Variants in CNKSR3 observed in about 807,000 individuals in gnomAD.
CNKSR3 encodes the protein CNKSR family member 3.
In CNKSR3, 36 loss-of-function variants were observed where a neutral mutation model predicts 67.7. The observed-to-expected ratio is 0.53, with a 90% CI of 0.41 to 0.70. The LOEUF (loss-of-function observed/expected upper bound fraction) is 0.70. CNKSR3 is among the 30% of genes least tolerant of loss of function. The pLI, the probability that CNKSR3 is intolerant of heterozygous loss-of-function variation, is 0.00. For synonymous variants in CNKSR3, 281 were observed against 271.4 expected (o/e 1.04, Z -0.35); for missense variants, 630 against 695.2 (o/e 0.91, Z 1.05).
Position 154,450,374 on chromosome 6 carries a change from G to A in CNKSR3, c.53-116C>T, listed in dbSNP as rs1222447883. The A allele has an allele frequency of 5.6e-6, 6 of 1,072,442 alleles. No homozygotes were observed. The East Asian group carries it at 1.5e-4, about 27-fold the overall frequency. The allele number at this position is 1,072,442 out of a possible 1,614,324, so 66.4% of individuals were successfully genotyped here. On this transcript the variant is annotated intron_variant, in intron 1 of 12. Coordinates refer to ENST00000607772, the MANE Select transcript of CNKSR3 (RefSeq NM_173515.4). Reference sequence around the variant, plus strand: ...ATCAACAATTATGATGCCACTATCTGGTTATCTATGTGAGGCCTATTGCAC... The same window carrying A: ...ATCAACAATTATGATGCCACTATCTAGTTATCTATGTGAGGCCTATTGCAC...
At chr6:154,507,146 C>T (rs1239705064) in intron 1 of CNKSR3, among the ~76,000 whole-genome samples, 1 of 152,230 alleles carries the variant, frequency 6.6e-6, no homozygotes, top group Non-Finnish European at 1.5e-5. Context: ...GTGCCTGACA[C>T]ACTGCTTAAT....
chr6:154,428,016 G>A (rs1274752076), intron 7 of CNKSR3, 112 bp downstream of exon 7: 15 of 702,322 alleles, frequency 2.1e-5, no homozygotes, highest in Admixed American at 1.1e-4. Context: ...AGGTACCCAC[G>A]CTCTCACAAT....
At chr6:154,492,318 C>A (rs1181526889) in intron 1 of CNKSR3, among the ~76,000 whole-genome samples, 2 of 151,150 alleles carry the variant, frequency 1.3e-5, no homozygotes, top group Non-Finnish European at 2.9e-5. Flanking sequence ...TCTCCCTACT[C>A]TCACTCACTT....
Position 154,392,430 on chromosome 6 carries a change from A to C in CNKSR3, c.*13924T>G, listed in dbSNP as rs572853364. ...AAAGGCAGATGGCCAAACAGCACACATAACAGGCACCCTAGAGACCCTCTG... is the reference window on the plus strand; with the variant it reads ...AAAGGCAGATGGCCAAACAGCACACCTAACAGGCACCCTAGAGACCCTCTG... On this transcript the variant is annotated 3_prime_UTR_variant, in exon 13 of 13. Transcript: ENST00000607772. The C allele has an allele frequency of 3.6e-4, 55 of 152,398 alleles. No homozygotes were observed. The highest frequency in any genetic ancestry group is 1.3e-3 in the African/African-American group (53 of 41,588). 9.4% of individuals were successfully genotyped at this position (152,398 alleles called of 1,614,324 possible). A position where few individuals can be genotyped will look rare whatever the true frequency, so the allele number is the denominator to read the frequency against.
In CNKSR3 at chr6:154,400,012, G is replaced by A. The variant is rs774164202; in HGVS notation, c.*6342C>T. ...AATGTTTATGCTCCAGGCAAGAGGA[G>A]AGAAAATGATGAGAATATCCTTATC... On this transcript the variant is annotated 3_prime_UTR_variant, in exon 13 of 13. Coordinates refer to ENST00000607772, the MANE Select transcript of CNKSR3 (RefSeq NM_173515.4). 3 of 152,158 alleles carry A rather than the reference G, an allele frequency of 2.0e-5. No homozygotes were observed. Among genetic ancestry groups the A allele is most frequent in the Non-Finnish European group, 4.4e-5 (3 of 68,042 alleles). 9.4% of individuals were successfully genotyped at this position (152,158 alleles called of 1,614,324 possible).
chr6:154,476,512 T>G (rs1013785499), intron 1 of CNKSR3, among the ~76,000 whole-genome samples: 37 of 152,068 alleles, frequency 2.4e-4, no homozygotes, highest in Admixed American at 3.9e-4. Context: ...TGTTCTCATT[T>G]TAGAAAGCAG....
At chr6:154,442,438 C>T (rs1032236438) in intron 2 of CNKSR3, 148 bp from the exon 3 acceptor site, 13 of 625,810 alleles carry the variant, frequency 2.1e-5, no homozygotes, top group African/African-American at 1.3e-4. Context: ...CTGGCTAACA[C>T]GGTGAAACCC....
intron 9 of CNKSR3, among the ~76,000 whole-genome samples, chr6:154,417,651 G>A (rs1785050567): frequency 6.6e-6 from 1 of 152,080 alleles, no homozygotes. Context: ...CTAAAGAGGT[G>A]GTTAAGTTAA....
intron 9 of CNKSR3, among the ~76,000 whole-genome samples, chr6:154,415,097 C>CAAAAAA (rs1157415390): frequency 2.1e-4 from 7 of 33,228 alleles, no homozygotes; most frequent in African/African-American, 3.1e-4. Context: ...GACTCTGTCT[C>CAAAAAA]AAAAAAAAAA....
chr6:154,416,766 C>T (rs1785032710), intron 9 of CNKSR3, among the ~76,000 whole-genome samples: 1 of 152,164 alleles, frequency 6.6e-6, no homozygotes, highest in Non-Finnish European at 1.5e-5. Flanking sequence ...TATTTGTCTA[C>T]CAGAGTTTAT....
intron 7 of CNKSR3, among the ~76,000 whole-genome samples, chr6:154,425,841 GCTT>G (rs34609377): frequency 0.35 from 53,719 of 151,822 alleles, 10,137 homozygotes; most frequent in Non-Finnish European, 0.43. Context: ...ACCATACTAG[GCTT>G]CTTCCATTAA....
intron 4 of CNKSR3, among the ~76,000 whole-genome samples, chr6:154,437,308 G>C (rs556677648): frequency 2.9e-4 from 44 of 151,788 alleles, no homozygotes; most frequent in Non-Finnish European, 6.0e-4. Context: ...CGCACATGGG[G>C]TAAGCCACAC....
At chr6:154,492,745 C>CAAAA (rs71268487) in intron 1 of CNKSR3, among the ~76,000 whole-genome samples, 16 of 113,784 alleles carry the variant, frequency 1.4e-4, no homozygotes, top group Admixed American at 1.4e-3. Context: ...GACTCTGTCT[C>CAAAA]AAAAAAAAAA....
chr6:154,455,002 T>C (rs1479701775), intron 1 of CNKSR3, among the ~76,000 whole-genome samples: 2 of 151,954 alleles, frequency 1.3e-5, no homozygotes, highest in Non-Finnish European at 2.9e-5. Flanking sequence ...TATCAGAACG[T>C]AAGCATCACA....
At chr6:154,416,118 C>CA (rs201845058) in intron 9 of CNKSR3, among the ~76,000 whole-genome samples, 46 of 151,420 alleles carry the variant, frequency 3.0e-4, no homozygotes, top group African/African-American at 7.3e-4. Context: ...CCGTCTCTAC[C>CA]AAAAAAAACA....
At chr6:154,418,544 T>G (rs1298119130) in intron 9 of CNKSR3, among the ~76,000 whole-genome samples, 1 of 152,140 alleles carries the variant, frequency 6.6e-6, no homozygotes, top group East Asian at 1.9e-4. Context: ...CTCTCTCTCC[T>G]TCAGAATCCA....
At chr6:154,437,068 G>A (rs967547165) in intron 4 of CNKSR3, among the ~76,000 whole-genome samples, 1 of 152,000 alleles carries the variant, frequency 6.6e-6, no homozygotes, top group African/African-American at 2.4e-5. Flanking sequence ...AAGAGAGATG[G>A]GACAAGCAAA....
At chr6:154,491,272 G>C (rs1562356508) in intron 1 of CNKSR3, among the ~76,000 whole-genome samples, 1 of 152,106 alleles carries the variant, frequency 6.6e-6, no homozygotes, top group Non-Finnish European at 1.5e-5. Context: ...CTGTTGATTT[G>C]TCTGTATTCC....
intron 2 of CNKSR3, among the ~76,000 whole-genome samples, chr6:154,444,474 A>G (rs2185112): frequency 0.33 from 50,893 of 152,050 alleles, 10,477 homozygotes; most frequent in African/African-American, 0.58. Context: ...AAAGCGCCAC[A>G]TGATAAGACA....
Sources: allele counts gnomAD v4.1 joint callset (sites outside exome capture counted in the v4.1 genomes callset), GRCh38; gene constraint gnomAD v4.1.1; transcripts MANE v1.5; gene names NCBI Gene and HGNC (gene_info 2026-07-23, HGNC 2026-07-21).